Variants in RAD51B observed in about 807,000 individuals in gnomAD.
The protein encoded by RAD51B is DNA repair protein RAD51 homolog 2.
In RAD51B, 38 loss-of-function variants were observed where a neutral mutation model predicts 42.2. The ratio of observed to expected loss-of-function variants is 0.90; its 90% CI spans 0.70 to 1.18. The LOEUF is 1.18. Among genes scored for constraint, RAD51B ranks in the 50% most tolerant of loss-of-function variants. The pLI is 0.00. For missense variants in RAD51B, 373 were observed against 400.7 expected (o/e 0.93, Z 0.59); for synonymous variants, 154 against 145.2 (o/e 1.06, Z -0.43).
chr14:67,991,394 C>T (rs1180020607), intron 7 of RAD51B, among the ~76,000 whole-genome samples: 1 of 152,164 alleles, frequency 6.6e-6, no homozygotes, highest in Non-Finnish European at 1.5e-5. Flanking sequence ...ACCTAATTTC[C>T]TTCTTCTTAG....
At chr14:67,975,401 G>C (rs1222521607) in intron 7 of RAD51B, among the ~76,000 whole-genome samples, 1 of 152,080 alleles carries the variant, frequency 6.6e-6, no homozygotes, top group Non-Finnish European at 1.5e-5. Flanking sequence ...GGTCTCCTTG[G>C]CATTCAAAGC....
chr14:68,620,600 A>C (rs1566957162), intron 10 of RAD51B, among the ~76,000 whole-genome samples: 1 of 152,242 alleles, frequency 6.6e-6, no homozygotes, highest in Non-Finnish European at 1.5e-5. Flanking sequence ...TTTTTACTGA[A>C]GGGAGAGCAG....
chr14:68,183,820 G>A (rs916037232), intron 7 of RAD51B, among the ~76,000 whole-genome samples: 3 of 152,056 alleles, frequency 2.0e-5, no homozygotes, highest in Non-Finnish European at 2.9e-5. Flanking sequence ...AAGGCCGGGC[G>A]TAGTGGCTCA....
rs113062358 is a variant in RAD51B at position 68,373,211 on chromosome 14, C to T, written c.854-38213C>T. On this transcript the variant is annotated intron_variant, in intron 8 of 10. Coordinates refer to ENST00000471583, the MANE Select transcript of RAD51B (RefSeq NM_133510.4). ...TTATTTGCTAATTTACTATTTCCCA[C>T]TGCTTACTGATTACCCTGAGTATGT... Among the ~76,000 whole-genome samples, 584 of 152,332 alleles carry T rather than the reference C, an allele frequency of 3.8e-3. 4 individuals are homozygous for T. The highest frequency in any genetic ancestry group is 0.013 in the African/African-American group (561 of 41,562).
At chr14:68,220,811 A>G (rs1363915173) in intron 7 of RAD51B, among the ~76,000 whole-genome samples, 6 of 152,174 alleles carry the variant, frequency 3.9e-5, no homozygotes, top group Non-Finnish European at 7.3e-5. Flanking sequence ...CTATACACCA[A>G]CAGCAGCCAA....
intron 8 of RAD51B, among the ~76,000 whole-genome samples, chr14:68,298,144 C>CA (rs568062595): frequency 1.3e-5 from 2 of 151,680 alleles, no homozygotes; most frequent in South Asian, 4.2e-4. Flanking sequence ...TTAAAAGCAC[C>CA]AAAAAATGTG....
At chr14:68,121,218 A>G (rs2077645611) in intron 7 of RAD51B, among the ~76,000 whole-genome samples, 2 of 152,314 alleles carry the variant, frequency 1.3e-5, no homozygotes, top group Admixed American at 1.3e-4. Context: ...CAGGCATTTT[A>G]CATATATTAT....
At chr14:67,856,338 A>G (rs1566926350) in intron 4 of RAD51B, among the ~76,000 whole-genome samples, 2 of 151,830 alleles carry the variant, frequency 1.3e-5, no homozygotes, top group Non-Finnish European at 1.5e-5. Context: ...AATGCAATGC[A>G]ACCTGGCCTT....
At chr14:67,925,247 T>C (rs1298889430) in intron 7 of RAD51B, among the ~76,000 whole-genome samples, 1 of 151,894 alleles carries the variant, frequency 6.6e-6, no homozygotes, top group Non-Finnish European at 1.5e-5. Context: ...TCTAGGTGAA[T>C]GGTGCAAGCT....
intron 9 of RAD51B, among the ~76,000 whole-genome samples, chr14:68,440,920 T>A (rs928700014): frequency 6.6e-6 from 1 of 152,230 alleles, no homozygotes; most frequent in South Asian, 2.1e-4. Context: ...ATTTGGGATG[T>A]GTCTTGCAAG....
chr14:68,545,290 C>G (rs939187250), intron 10 of RAD51B, among the ~76,000 whole-genome samples: 1 of 152,252 alleles, frequency 6.6e-6, no homozygotes, highest in Non-Finnish European at 1.5e-5. Context: ...GTGTATGCCT[C>G]TGGCTGCCCA....
At chr14:68,658,187 C>T (rs1395020961) in intron 11 of RAD51B, among the ~76,000 whole-genome samples, 1 of 152,216 alleles carries the variant, frequency 6.6e-6, no homozygotes, top group Non-Finnish European at 1.5e-5. Context: ...GGGAGAGCTC[C>T]CCAGCTGCTC....
chr14:67,882,676 ATCTTG>A (rs982676739), intron 5 of RAD51B, among the ~76,000 whole-genome samples: 6 of 152,208 alleles, frequency 3.9e-5, no homozygotes, highest in Non-Finnish European at 7.3e-5. Context: ...CTTTATGTGA[ATCTTG>A]TCTTTTCTGC....
intron 7 of RAD51B, among the ~76,000 whole-genome samples, chr14:67,990,369 T>C (rs987639986): frequency 2.6e-5 from 4 of 152,194 alleles, no homozygotes; most frequent in Admixed American, 6.5e-5. Context: ...CAAAATTCTG[T>C]AAGAAAAGTG....
intron 10 of RAD51B, among the ~76,000 whole-genome samples, chr14:68,568,561 T>G (rs1439125604): frequency 6.6e-6 from 1 of 152,202 alleles, no homozygotes; most frequent in Non-Finnish European, 1.5e-5. Flanking sequence ...CCCTTGCTCT[T>G]CCAAGGGCTG....
intron 7 of RAD51B, among the ~76,000 whole-genome samples, chr14:68,179,180 C>G (rs1160757210): frequency 2.6e-4 from 39 of 152,206 alleles, no homozygotes; most frequent in African/African-American, 8.4e-4. Flanking sequence ...AGTTAAATTA[C>G]TGTTTATTGG....
chr14:67,965,506 T>TAAAA (rs2074755313), intron 7 of RAD51B, among the ~76,000 whole-genome samples: 1 of 152,142 alleles, frequency 6.6e-6, no homozygotes, highest in African/African-American at 2.4e-5. Flanking sequence ...ACTCTCTGGT[T>TAAAA]TAAAAACCTT....
chr14:67,937,419 C>T lies in RAD51B; in HGVS notation c.756+50215C>T, dbSNP rs78180024. Among the ~76,000 whole-genome samples, 789 of 152,234 alleles carry T rather than the reference C, an allele frequency of 5.2e-3. 7 individuals are homozygous for T. The highest frequency in any genetic ancestry group is 0.018 in the African/African-American group (734 of 41,534). ...AGATATAGCTAGAAATAAAACCAACCGGTTCTAGCAGAGATGACGATAATT... is the reference window on the plus strand; with the variant it reads ...AGATATAGCTAGAAATAAAACCAACTGGTTCTAGCAGAGATGACGATAATT... On this transcript the variant is annotated intron_variant, in intron 7 of 10. Coordinates refer to ENST00000471583, the MANE Select transcript of RAD51B (RefSeq NM_133510.4).
intron 10 of RAD51B, chr14:68,470,764 G>A: frequency 2.4e-6 from 1 of 422,482 alleles, no homozygotes; most frequent in South Asian, 2.3e-5. Flanking sequence ...TTTGTGTGGG[G>A]GCTGCAGCAT....
Sources: allele counts gnomAD v4.1 joint callset (sites outside exome capture counted in the v4.1 genomes callset), GRCh38; gene constraint gnomAD v4.1.1; transcripts MANE v1.5; gene names NCBI Gene and HGNC (gene_info 2026-07-23, HGNC 2026-07-21).